The following RUVBL1 variants were observed in gnomAD, a reference collection of about 807,000 sequenced individuals.
The protein encoded by RUVBL1 is ruvB-like 1.
RUVBL1 carries 4 observed loss-of-function variants against 52.4 expected under a neutral mutation model. The ratio of observed to expected loss-of-function variants is 0.08; its 90% CI spans 0.04 to 0.17. The LOEUF is 0.17. Among genes scored for constraint, RUVBL1 ranks in the 10% least tolerant of loss-of-function variants. The pLI is 1.00. For missense variants in RUVBL1, 298 were observed against 572.8 expected (o/e 0.52, Z 4.90); for synonymous variants, 217 against 214.4 (o/e 1.01, Z -0.10).
intron 3 of RUVBL1, among the ~76,000 whole-genome samples, chr3:128,106,467 C>T (rs142108670): frequency 6.6e-6 from 1 of 151,958 alleles, no homozygotes; most frequent in Non-Finnish European, 1.5e-5. Context: ...ATCCCCCCCC[C>T]CTTCACACAT....
chr3:128,074,842 CAAAAAAAAAA>C (rs386397876), intron 9 of RUVBL1, among the ~76,000 whole-genome samples: 42 of 72,798 alleles, frequency 5.8e-4, no homozygotes, highest in African/African-American at 7.4e-4. Flanking sequence ...AACTCCGTCT[CAAAAAAAAAA>C]AAAAAAAAAA....
At chr3:128,080,737 A>T (rs1242587641), downstream of RUVBL1, among the ~76,000 whole-genome samples, 23 of 152,256 alleles carry the variant, frequency 1.5e-4, no homozygotes, top group Admixed American at 1.2e-3. Context: ...CTAAGGAGAC[A>T]TGACAACTAG....
At chr3:128,085,864 G>A (rs1196793248) in intron 9 of RUVBL1, among the ~76,000 whole-genome samples, 1 of 152,204 alleles carries the variant, frequency 6.6e-6, no homozygotes, top group African/African-American at 2.4e-5. Flanking sequence ...GAGATTTCTA[G>A]CAGGAGGGAA....
At chr3:128,086,895 G>A (rs1278465090) in intron 9 of RUVBL1, among the ~76,000 whole-genome samples, 1 of 152,244 alleles carries the variant, frequency 6.6e-6, no homozygotes, top group East Asian at 1.9e-4. Flanking sequence ...TCCCAACTCA[G>A]CCTAACCCAG....
chr3:128,105,481 T>C (rs960980603), intron 3 of RUVBL1, among the ~76,000 whole-genome samples: 1 of 152,182 alleles, frequency 6.6e-6, no homozygotes, highest in African/African-American at 2.4e-5. Flanking sequence ...AGACAAGTTA[T>C]AATTCTTAAA....
At position 128,147,385 on chromosome 3, in the gene RUVBL1, A is replaced by AAAAAC. The variant is rs1221493258; in HGVS notation, c.-40+5813_-40+5817dup. Among the ~76,000 whole-genome samples, 54 of 152,166 alleles carry AAAAAC rather than the reference A, an allele frequency of 3.5e-4. 1 individual carries two copies. The highest frequency in any genetic ancestry group is 1.3e-3 in the African/African-American group (52 of 41,432). ...ACATCCTGCAAGAAAAGCTAAAATT[A>AAAAAC]AAAACAAAACAAAACAGCCTAGGTA... On this transcript the variant is annotated intron_variant, in intron 1 of 9. Coordinates refer to the RUVBL1 transcript ENST00000464873.
chr3:128,068,292 A>G (rs918399082), intron 9 of RUVBL1, among the ~76,000 whole-genome samples: 4 of 152,200 alleles, frequency 2.6e-5, no homozygotes. Context: ...GGGTAAGGAG[A>G]TGGAAGCATG....
chr3:128,150,837 T>TTA (rs1352352909), intron 1 of RUVBL1, among the ~76,000 whole-genome samples: 2 of 89,498 alleles, frequency 2.2e-5, no homozygotes, highest in African/African-American at 9.0e-5. Context: ...ATATTATATA[T>TTA]TCTATATATA....
chr3:128,150,301 T>C (rs1944166572), intron 1 of RUVBL1, among the ~76,000 whole-genome samples: 1 of 152,088 alleles, frequency 6.6e-6, no homozygotes. Context: ...TTTGTATTAG[T>C]CAGGATTCTC....
chr3:128,146,228 G>A (rs749447703), intron 1 of RUVBL1, among the ~76,000 whole-genome samples: 1 of 152,196 alleles, frequency 6.6e-6, no homozygotes, highest in Non-Finnish European at 1.5e-5. Context: ...AGTGTGGCTG[G>A]AGCCAGAAGA....
chr3:128,153,282 C>G, exon 1 of RUVBL1: 2 of 1,356,026 alleles, frequency 1.5e-6, no homozygotes, highest in South Asian at 3.6e-5. Context: ...GGAGGAGCCA[C>G]GTGAGAGAGA....
chr3:128,132,104 G>A (rs1943885677), intron 1 of RUVBL1, among the ~76,000 whole-genome samples: 1 of 152,190 alleles, frequency 6.6e-6, no homozygotes, highest in Non-Finnish European at 1.5e-5. Flanking sequence ...GAGATTATGG[G>A]ACTTTGTACT....
At chr3:128,097,868 A>G (rs771634304) in intron 7 of RUVBL1, among the ~76,000 whole-genome samples, 5 of 152,196 alleles carry the variant, frequency 3.3e-5, no homozygotes, top group African/African-American at 7.2e-5. Flanking sequence ...TCTGGGAGAC[A>G]TTGGAGTTTG....
intron 7 of RUVBL1, among the ~76,000 whole-genome samples, chr3:128,097,722 A>T (rs1943017326): frequency 6.6e-6 from 1 of 152,126 alleles, no homozygotes; most frequent in Admixed American, 6.5e-5. Context: ...GCCTCCCCCA[A>T]AAGATGAGTT....
At chr3:128,085,100 G>GT (rs1448210840) in intron 9 of RUVBL1, 1 of 152,242 alleles carries the variant, frequency 6.6e-6, no homozygotes, top group Non-Finnish European at 1.5e-5. Flanking sequence ...CGAAGCTGTT[G>GT]TATGTTGTAC....
intron 8 of RUVBL1, among the ~76,000 whole-genome samples, chr3:128,090,045 GGAAATAGTGGTGATGGTTTTA>G (rs1196630182): frequency 6.6e-6 from 1 of 151,762 alleles, no homozygotes; most frequent in Non-Finnish European, 1.5e-5. Context: ...AAAAAGTTTT[GGAAATAGTGGTGATGGTTTTA>G]GAAATAGTGG....
chr3:128,082,679 A>G lies in RUVBL1; in HGVS notation c.1120-105T>C. ...CTCAGATTTCTCACTGTGCAGCATA[A>G]GAGAAACTGAGACCTGGGTTGGTGG... On this transcript the variant is annotated intron_variant, in intron 9 of 10. Coordinates refer to ENST00000322623, the MANE Select transcript of RUVBL1 (RefSeq NM_003707.3). This position sits in a 1 kb window ranked among gnomAD's most constrained non-coding sequence, Gnocchi z 4.7. The G allele has an allele frequency of 3.3e-6, 3 of 907,524 alleles. No homozygotes were observed. The highest frequency in any genetic ancestry group is 5.0e-6 in the Non-Finnish European group (3 of 604,046). The allele number at this position is 907,524 out of a possible 1,614,324, so 56.2% of individuals were successfully genotyped here.
In RUVBL1 at chr3:128,121,310, G is replaced by A. The variant is rs560812943; in HGVS notation, c.142-1896C>T. Among the ~76,000 whole-genome samples, 12 of 151,702 alleles carry A rather than the reference G, an allele frequency of 7.9e-5. No individual in the cohort carries two copies. The South Asian group carries it at 2.1e-3, about 26-fold the overall frequency. ...AGGGTTTCGTCATGTTGGCCAGGCT[G>A]GTCTCAAACTCCTGACCTCAGGTGA... is the stretch of plus-strand genomic sequence containing the variant. On this transcript the variant is annotated intron_variant, in intron 1 of 10. Coordinates refer to ENST00000322623, the MANE Select transcript of RUVBL1 (RefSeq NM_003707.3).
At chr3:128,124,208 T>A (rs1245422235), upstream of RUVBL1, among the ~76,000 whole-genome samples, 1 of 152,086 alleles carries the variant, frequency 6.6e-6, no homozygotes, top group Non-Finnish European at 1.5e-5. Context: ...TAACCAATGT[T>A]TTCTGACTCC....
Sources: allele counts gnomAD v4.1 joint callset (sites outside exome capture counted in the v4.1 genomes callset), GRCh38; gene constraint gnomAD v4.1.1; non-coding constraint Gnocchi (gnomAD v3.1); transcripts MANE v1.5; gene names NCBI Gene and HGNC (gene_info 2026-07-23, HGNC 2026-07-21).